Variants in SCYL2 observed in about 807,000 individuals in gnomAD.
The protein encoded by SCYL2 is SCY1 like pseudokinase 2, also known as SCY1-like protein 2.
In SCYL2, 36 loss-of-function variants were observed where a neutral mutation model predicts 100.4. The ratio of observed to expected loss-of-function variants is 0.36; its 90% CI spans 0.27 to 0.47. The LOEUF is 0.47. Among genes scored for constraint, SCYL2 ranks in the 20% least tolerant of loss-of-function variants. The pLI, the probability that SCYL2 is intolerant of heterozygous loss-of-function variation, is 1.00. For synonymous variants in SCYL2, 330 were observed against 359.2 expected, an observed-to-expected ratio of 0.92 and a Z score of 0.92; for missense variants, 902 against 1,083.9, an observed-to-expected ratio of 0.83 and a Z score of 2.36.
chr12:100,273,583 C>G (rs900371354), intron 1 of SCYL2, among the ~76,000 whole-genome samples: 2 of 152,168 alleles, frequency 1.3e-5, no homozygotes, highest in South Asian at 2.1e-4. Context: ...TCAGTGTTGA[C>G]TCTGGATGAT....
In SCYL2 at chr12:100,326,638, T is replaced by C; in HGVS notation, c.1526T>C (p.Leu509Ser). 6.3e-7 allele frequency: 1 copy of C among 1,599,894 alleles called. No individual in the cohort carries two copies. Among genetic ancestry groups the C allele is most frequent in the Non-Finnish European group, 8.5e-7 (1 of 1,175,632 alleles). Residue 509 changes from leucine to serine, a missense_variant, in exon 12 of 18, where the codon TTA becomes TCA. Transcript: ENST00000360820. Reference sequence around the variant, plus strand: ...TTTTAATAGGTTCGTGTAAATTCATTAGTGTGCTTAGGAAAGATTTTGGAA... The same window carrying C: ...TTTTAATAGGTTCGTGTAAATTCATCAGTGTGCTTAGGAAAGATTTTGGAA... ...TSSLAVRVNS[L>S]VCLGKILEYL...
intron 13 of SCYL2, among the ~76,000 whole-genome samples, chr12:100,331,502 G>A (rs140826958): frequency 3.9e-4 from 60 of 152,230 alleles, no homozygotes; most frequent in African/African-American, 1.3e-3. Context: ...AGCTACCAGA[G>A]GGAGCTGAGG....
intron 1 of SCYL2, among the ~76,000 whole-genome samples, chr12:100,281,075 C>A (rs1188357726): frequency 8.3e-6 from 1 of 120,682 alleles, no homozygotes; most frequent in African/African-American, 3.3e-5. Context: ...GTCACCCAGG[C>A]GGGAGTGCAG....
In SCYL2 at chr12:100,299,656, A is replaced by T. The variant is rs556103061; in HGVS notation, c.480+1481A>T. Reference sequence around the variant, plus strand: ...TTTTCGGTCTGGCTTCTTTTAACCAACATAATTATTTGAGATTCACATGTT... The same window carrying T: ...TTTTCGGTCTGGCTTCTTTTAACCATCATAATTATTTGAGATTCACATGTT... On this transcript the variant is annotated intron_variant, in intron 4 of 17. Transcript: ENST00000360820. 4.6e-5 allele frequency among the ~76,000 whole-genome samples: 7 copies of T among 151,926 alleles called. No individual in the cohort carries two copies. In the South Asian group the frequency reaches 1.5e-3, roughly 32 times the overall value.
intron 3 of SCYL2, among the ~76,000 whole-genome samples, chr12:100,294,299 A>C (rs1235408387): frequency 8.2e-6 from 1 of 121,642 alleles, no homozygotes; most frequent in Admixed American, 7.9e-5. Flanking sequence ...CTGGCCGGGC[A>C]GAGGGGCTCC....
intron 1 of SCYL2, among the ~76,000 whole-genome samples, chr12:100,270,279 G>A (rs1215207285): frequency 2.6e-5 from 4 of 151,992 alleles, no homozygotes; most frequent in South Asian, 2.1e-4. Context: ...GAGCCACCGC[G>A]CCTGGCCGAG....
chr12:100,273,428 T>G lies in SCYL2; in HGVS notation c.-29+5636T>G, dbSNP rs58358250. ...CTGTGGTGGTTTTACTTGTCTGTCT[T>G]CTCCCTTTGATGTAAGATTTTTCAT... On this transcript the variant is annotated intron_variant, in intron 1 of 17. Coordinates refer to ENST00000360820, the MANE Select transcript of SCYL2 (RefSeq NM_017988.6). Among the ~76,000 whole-genome samples, 1,177 of 152,232 alleles carry G rather than the reference T, an allele frequency of 7.7e-3. 15 individuals are homozygous for G. The highest frequency in any genetic ancestry group is 0.026 in the African/African-American group (1,080 of 41,546).
intron 12 of SCYL2, among the ~76,000 whole-genome samples, 185 bp from the exon 13 acceptor site, chr12:100,329,016 T>C (rs1390842404): frequency 6.6e-6 from 1 of 152,200 alleles, no homozygotes; most frequent in Admixed American, 6.5e-5. Context: ...TGTTTAAATC[T>C]GGCCTGATGA....
intron 3 of SCYL2, chr12:100,296,877 CAT>C (rs1438219372): frequency 1.3e-5 from 2 of 152,112 alleles, no homozygotes; most frequent in African/African-American, 4.8e-5. Context: ...ACAATGTGAC[CAT>C]TTCTCACCTT....
chr12:100,299,910 T>G (rs375496819), intron 4 of SCYL2, among the ~76,000 whole-genome samples: 1 of 152,374 alleles, frequency 6.6e-6, no homozygotes, highest in Non-Finnish European at 1.5e-5. Flanking sequence ...ATAGTATGTG[T>G]ATGATTCACT....
intron 9 of SCYL2, among the ~76,000 whole-genome samples, chr12:100,316,794 A>T (rs1592958589): frequency 6.6e-6 from 1 of 152,128 alleles, no homozygotes; most frequent in South Asian, 2.1e-4. Flanking sequence ...TTTTTCTCTT[A>T]GTTGTCCAGT....
intron 13 of SCYL2, among the ~76,000 whole-genome samples, chr12:100,332,417 A>G (rs1952221819): frequency 6.6e-6 from 1 of 152,172 alleles, no homozygotes; most frequent in Non-Finnish European, 1.5e-5. Context: ...CTAAAGGCCA[A>G]TTTTGCAAGC....
intron 10 of SCYL2, chr12:100,319,271 T>G (rs1385134786): frequency 4.4e-6 from 2 of 455,960 alleles, no homozygotes; most frequent in Non-Finnish European, 8.8e-6. Flanking sequence ...CCAAATGACA[T>G]GGATGAGTGG....
intron 16 of SCYL2, 73 bp from the exon 17 acceptor site, chr12:100,337,314 A>G: frequency 6.3e-7 from 1 of 1,578,004 alleles, no homozygotes; most frequent in Non-Finnish European, 8.6e-7. Context: ...ACTTTACCCG[A>G]AGAGATTATC....
At chr12:100,317,737 A>G (rs1434371358) in intron 9 of SCYL2, 66 bp from the exon 10 acceptor site, 5 of 1,504,910 alleles carry the variant, frequency 3.3e-6, no homozygotes, top group Admixed American at 2.6e-5. Flanking sequence ...GAAGCTTTAC[A>G]TTTGGCATAT....
At chr12:100,337,543 C>T (rs1249718580) in intron 17 of SCYL2, 37 bp downstream of exon 17, 11 of 1,598,886 alleles carry the variant, frequency 6.9e-6, no homozygotes, top group Admixed American at 5.0e-5. Flanking sequence ...TTCCAGAATA[C>T]GACTGTTAAG....
At chr12:100,276,757 C>T (rs1457694149) in intron 1 of SCYL2, among the ~76,000 whole-genome samples, 1 of 151,924 alleles carries the variant, frequency 6.6e-6, no homozygotes, top group African/African-American at 2.4e-5. Context: ...TAAAGTATTA[C>T]ATTAAATTCA....
At position 100,340,948 on chromosome 12, in the gene SCYL2, G is replaced by T. The variant is rs1478622116; in HGVS notation, c.*1776G>T. 1 of 152,034 alleles carries T rather than the reference G, an allele frequency of 6.6e-6. No individual in the cohort carries two copies. Among genetic ancestry groups the T allele is most frequent in the South Asian group, 2.1e-4 (1 of 4,826 alleles). 9.4% of individuals were successfully genotyped at this position (152,034 alleles called of 1,614,324 possible). A position where few individuals can be genotyped will look rare whatever the true frequency, so the allele number is the denominator to read the frequency against. ...AATAAGTATTGAAGAATTTTTCTTT[G>T]TAACAATTTAGTAGTCACTGTTTAT... On this transcript the variant is annotated 3_prime_UTR_variant, in exon 18 of 18. Coordinates refer to ENST00000360820, the MANE Select transcript of SCYL2 (RefSeq NM_017988.6).
At chr12:100,287,702 TAAAA>T in intron 2 of SCYL2, among the ~76,000 whole-genome samples, 2 of 152,312 alleles carry the variant, frequency 1.3e-5, no homozygotes, top group South Asian at 4.1e-4. Context: ...TTTTTTGTAT[TAAAA>T]AACCCTCAAT....
Sources: gnomAD v4.1 joint callset for allele counts (sites outside exome capture counted in the v4.1 genomes callset) on GRCh38, gnomAD v4.1.1 for gene constraint, MANE v1.5 for transcripts, NCBI Gene and HGNC (gene_info 2026-07-23, HGNC 2026-07-21) for gene names.